The following RAB11FIP3 variants were observed in gnomAD, a reference collection of about 807,000 sequenced individuals.
RAB11FIP3 encodes RAB11 family interacting protein 3.
In RAB11FIP3, 17 loss-of-function variants were observed where a neutral mutation model predicts 77.8. That is an observed-to-expected ratio of 0.22 (90% CI 0.15 to 0.33). The LOEUF (loss-of-function observed/expected upper bound fraction) is 0.33, where lower values mean the gene tolerates loss of function less well. RAB11FIP3 is among the 10% of genes least tolerant of loss of function. The pLI, the probability that RAB11FIP3 is intolerant of heterozygous loss-of-function variation, is 1.00. For missense variants in RAB11FIP3, 1,005 were observed against 1,011.2 expected, an observed-to-expected ratio of 0.99 and a Z score of 0.08; for synonymous variants, 437 against 448.2, an observed-to-expected ratio of 0.98 and a Z score of 0.31.
intron 3 of RAB11FIP3, among the ~76,000 whole-genome samples, chr16:477,085 C>A (rs2055926772): frequency 1.6e-5 from 2 of 122,720 alleles, no homozygotes; most frequent in Admixed American, 8.3e-5. Context: ...GACTCCGTCT[C>A]AAAAAAAAAA....
At position 506,656 on chromosome 16, in the gene RAB11FIP3, C is replaced by A. The variant is rs1169390764; in HGVS notation, c.1499+1029C>A. Among the ~76,000 whole-genome samples, 4 of 152,232 alleles carry A rather than the reference C, an allele frequency of 2.6e-5. No individual in the cohort carries two copies. The highest frequency in any genetic ancestry group is 4.4e-5 in the Non-Finnish European group (3 of 68,044). On this transcript the variant is annotated intron_variant, in intron 8 of 13. Transcript: ENST00000262305. This position sits in a 1 kb window ranked among gnomAD's most constrained non-coding sequence, Gnocchi z 4.5. The stretch of plus-strand genomic sequence containing the variant: ...CCCTCACGGTACTAACATTTGTGAC[C>A]ATCTGCCCTGTGAGCGCTGAGAATT...
At chr16:512,279 C>T (rs1032419456) in intron 9 of RAB11FIP3, among the ~76,000 whole-genome samples, 4 of 151,950 alleles carry the variant, frequency 2.6e-5, no homozygotes, top group African/African-American at 9.7e-5. Context: ...CTTGCTCTGT[C>T]GCCCAGGCTG....
intron 5 of RAB11FIP3, among the ~76,000 whole-genome samples, chr16:491,819 G>A (rs1011472064): frequency 4.0e-5 from 6 of 151,718 alleles, no homozygotes; most frequent in African/African-American, 1.2e-4. Context: ...TGTTGATTTC[G>A]CTTGCGGTGA....
intron 9 of RAB11FIP3, among the ~76,000 whole-genome samples, chr16:513,984 T>C (rs929653700): frequency 3.3e-5 from 5 of 152,134 alleles, no homozygotes; most frequent in Non-Finnish European, 7.4e-5. Context: ...CCGCTGGGGC[T>C]GAGGTTGGGG....
intron 1 of RAB11FIP3, among the ~76,000 whole-genome samples, chr16:430,924 C>T (rs950340862): frequency 2.6e-5 from 4 of 152,212 alleles, no homozygotes; most frequent in Non-Finnish European, 5.9e-5. Context: ...CAGGCTCAAG[C>T]GACCGTCCTC....
At chr16:427,635 T>G (rs1281161333) in intron 1 of RAB11FIP3, among the ~76,000 whole-genome samples, 1 of 152,240 alleles carries the variant, frequency 6.6e-6, no homozygotes, top group Non-Finnish European at 1.5e-5. Flanking sequence ...AATATTTTAC[T>G]TAGCAGGAAA....
chr16:520,071 G>A (rs1173077334), intron 11 of RAB11FIP3, 51 bp from the exon 12 acceptor site: 1 of 1,539,200 alleles, frequency 6.5e-7, no homozygotes, highest in South Asian at 1.2e-5. Flanking sequence ...ATGGCTGACG[G>A]TGGCCCCTGG....
At chr16:486,366 C>T (rs2056153626) in intron 4 of RAB11FIP3, among the ~76,000 whole-genome samples, 1 of 152,164 alleles carries the variant, frequency 6.6e-6, no homozygotes, top group African/African-American at 2.4e-5. Context: ...GTGGCACGCA[C>T]CTGTAATCCC....
intron 4 of RAB11FIP3, among the ~76,000 whole-genome samples, chr16:483,910 T>C (rs1301971420): frequency 6.6e-6 from 1 of 152,106 alleles, no homozygotes; most frequent in Non-Finnish European, 1.5e-5. Flanking sequence ...CGTCCCCCGC[T>C]TAGAGCCGTC....
chr16:454,117 C>G (rs1395948929), intron 1 of RAB11FIP3, among the ~76,000 whole-genome samples: 1 of 152,174 alleles, frequency 6.6e-6, no homozygotes, highest in Non-Finnish European at 1.5e-5. Context: ...GTTGAAGCAT[C>G]CAGTAGGCGG....
intron 5 of RAB11FIP3, chr16:491,102 C>G: frequency 7.8e-7 from 1 of 1,280,794 alleles, no homozygotes; most frequent in South Asian, 1.2e-5. Context: ...GGGTCCTCAT[C>G]CTCTCCTGAA....
At chr16:495,389 T>C (rs564608936) in intron 5 of RAB11FIP3, among the ~76,000 whole-genome samples, 48 of 152,344 alleles carry the variant, frequency 3.2e-4, no homozygotes, top group African/African-American at 1.1e-3. Flanking sequence ...ACCTGCCTCC[T>C]GGCTGCCAGG....
At position 426,553 on chromosome 16, in the gene RAB11FIP3, C is replaced by A; in HGVS notation, c.547C>A (p.Gln183Lys). 6.3e-7 allele frequency: 1 copy of A among 1,583,078 alleles called. No homozygotes were observed. The highest frequency in any genetic ancestry group is 8.6e-7 in the Non-Finnish European group (1 of 1,166,792). Residue 183 changes from glutamine (Q) to lysine (K), a missense_variant, in exon 1 of 14, where the codon CAG becomes AAG. Transcript: ENST00000262305. The surrounding 1 kb of genome is among the most constrained non-coding windows in gnomAD (Gnocchi z 5.0). ...GGAGCAAGGTCCCGGGTCCCCGCCG[C>A]AGCCCTCGGACCTCAGCCAGACCCA... Reference protein sequence around the residue: ...ALEQGPGSPPQPSDLSQTHPL... With the variant: ...ALEQGPGSPPKPSDLSQTHPL...
chr16:492,429 G>GGAGACCCGAGGCCGCCCAGAGCCCTCCCC (rs2030528273), intron 5 of RAB11FIP3, among the ~76,000 whole-genome samples: 1 of 132,856 alleles, frequency 7.5e-6, no homozygotes, highest in Non-Finnish European at 1.7e-5. Context: ...GGCCCTCCCC[G>GGAGACCCGAGGCCGCCCAGAGCCCTCCCC]GGAGACCCGA....
chr16:432,384 AAAAAG>A (rs1157159695), intron 1 of RAB11FIP3, among the ~76,000 whole-genome samples: 2 of 152,088 alleles, frequency 1.3e-5, no homozygotes, highest in Non-Finnish European at 2.9e-5. Flanking sequence ...TCGAAAAACT[AAAAAG>A]AAACTAAAAC....
chr16:445,099 G>T (rs1205261907), intron 1 of RAB11FIP3, among the ~76,000 whole-genome samples: 3 of 124,970 alleles, frequency 2.4e-5, no homozygotes, highest in African/African-American at 3.3e-5. Flanking sequence ...GGGTGACAGA[G>T]CGAGACTCTG....
chr16:457,815 T>G (rs1436305463), intron 1 of RAB11FIP3, among the ~76,000 whole-genome samples: 1 of 152,202 alleles, frequency 6.6e-6, no homozygotes, highest in Non-Finnish European at 1.5e-5. Flanking sequence ...TTAGGAATCT[T>G]CAGGACAGAT....
At chr16:496,933 T>G in intron 6 of RAB11FIP3, 74 bp downstream of exon 6, 1 of 1,431,722 alleles carries the variant, frequency 7.0e-7, no homozygotes, top group East Asian at 2.3e-5. Flanking sequence ...AAAAAACATT[T>G]TAAAATGTTC....
rs559009268 is a variant in RAB11FIP3, at chr16:493,843, T to C, written c.1266-2981T>C. Among the ~76,000 whole-genome samples, 182 of 143,376 alleles carry C rather than the reference T, an allele frequency of 1.3e-3. 5 individuals carry two copies. The East Asian group carries it at 0.014, about 11-fold the overall frequency. The allele number at this position is 143,376 out of a possible 152,430, so 94.1% of individuals were successfully genotyped here. A position where few individuals can be genotyped will look rare whatever the true frequency, so the allele number is the denominator to read the frequency against. On this transcript the variant is annotated intron_variant, in intron 5 of 13. Coordinates refer to ENST00000262305, the MANE Select transcript of RAB11FIP3 (RefSeq NM_014700.4). ...TCCGGACCTCGTGATCCGCCCGCCT[T>C]GACCCCCCAAAGTGCTGGGATTACA...
Sources: gnomAD v4.1 joint callset for allele counts (sites outside exome capture counted in the v4.1 genomes callset) on GRCh38, gnomAD v4.1.1 for gene constraint, Gnocchi (gnomAD v3.1) non-coding constraint, MANE v1.5 for transcripts, NCBI Gene and HGNC (gene_info 2026-07-23, HGNC 2026-07-21) for gene names.